Variants in LRP1B observed in about 807,000 individuals in gnomAD.
LRP1B encodes the protein LDL receptor related protein 1B.
LRP1B carries 217 observed loss-of-function variants against 556.6 expected under a neutral mutation model. The observed-to-expected ratio is 0.39, with a 90% confidence interval of 0.35 to 0.44. LRP1B has a LOEUF of 0.44. Ranked by LOEUF, LRP1B falls within the 20% of genes least tolerant of loss-of-function variation. The pLI, the probability that LRP1B is intolerant of heterozygous loss-of-function variation, is 1.00. For synonymous variants in LRP1B, 2,047 were observed against 1,865.8 expected, an observed-to-expected ratio of 1.10 and a Z score of -2.50; for missense variants, 5,053 against 5,620.8, an observed-to-expected ratio of 0.90 and a Z score of 3.23.
chr2:141,400,956 C>T (rs1275772468), intron 3 of LRP1B, among the ~76,000 whole-genome samples: 1 of 152,150 alleles, frequency 6.6e-6, no homozygotes, highest in Non-Finnish European at 1.5e-5. Flanking sequence ...TTTTAATACT[C>T]TCCTTTTCCA....
intron 35 of LRP1B, among the ~76,000 whole-genome samples, chr2:140,747,272 T>C (rs760699452): frequency 6.6e-6 from 1 of 152,190 alleles, no homozygotes; most frequent in Non-Finnish European, 1.5e-5. Context: ...GAAGGCTCTT[T>C]CACTCACCTA....
chr2:141,424,903 G>A (rs56143010), intron 3 of LRP1B, among the ~76,000 whole-genome samples: 69,395 of 151,662 alleles, frequency 0.46, 15,983 homozygotes, highest in East Asian at 0.6. Flanking sequence ...GCAAAATTGT[G>A]CTGCTGATTT....
chr2:141,665,718 CATAT>C (rs1414620648), intron 2 of LRP1B, among the ~76,000 whole-genome samples: 1 of 152,104 alleles, frequency 6.6e-6, no homozygotes, highest in Non-Finnish European at 1.5e-5. Context: ...AAATGTGGTA[CATAT>C]ATACCATGGA....
chr2:141,938,515 T>C (rs1700702276), intron 1 of LRP1B, among the ~76,000 whole-genome samples: 1 of 152,144 alleles, frequency 6.6e-6, no homozygotes, highest in Non-Finnish European at 1.5e-5. Context: ...ACAGCCTTTA[T>C]GGAGAACAGT....
chr2:142,096,882 C>T (rs549601345), intron 1 of LRP1B, among the ~76,000 whole-genome samples: 3 of 151,584 alleles, frequency 2.0e-5, no homozygotes, highest in African/African-American at 7.2e-5. Context: ...CCCTTTCTCC[C>T]CTCTAGAAGT....
chr2:141,332,468 A>G (rs980378811), intron 3 of LRP1B, among the ~76,000 whole-genome samples: 5 of 151,664 alleles, frequency 3.3e-5, no homozygotes, highest in African/African-American at 9.7e-5. Flanking sequence ...AAAAGCATGA[A>G]TTTTATATGC....
chr2:141,225,103 G>A (rs1683192027), intron 6 of LRP1B, among the ~76,000 whole-genome samples: 1 of 151,950 alleles, frequency 6.6e-6, no homozygotes, highest in Admixed American at 6.6e-5. Flanking sequence ...ACAAGCTAAG[G>A]AAAAAGATAA....
At chr2:140,455,111 C>A (rs6730266) in intron 62 of LRP1B, among the ~76,000 whole-genome samples, 1 of 152,020 alleles carries the variant, frequency 6.6e-6, no homozygotes, top group African/African-American at 2.4e-5. Flanking sequence ...TATTAAAAAA[C>A]GTGATTTCTC....
chr2:141,909,524 ACATTTTT>A (rs1306958279), intron 1 of LRP1B, among the ~76,000 whole-genome samples: 5 of 104,486 alleles, frequency 4.8e-5, no homozygotes, highest in Non-Finnish European at 5.8e-5. Flanking sequence ...AAGGTCTCAG[ACATTTTT>A]TTTTTTTTTT....
chr2:141,027,079 A>C (rs76547451), intron 11 of LRP1B, among the ~76,000 whole-genome samples: 4,361 of 152,170 alleles, frequency 0.029, 143 homozygotes, highest in East Asian at 0.13. Context: ...AGAAAGTTTA[A>C]CCTAGGCAAA....
At chr2:141,755,011 A>T (rs1321861411) in intron 2 of LRP1B, among the ~76,000 whole-genome samples, 1 of 150,496 alleles carries the variant, frequency 6.6e-6, no homozygotes, top group East Asian at 1.9e-4. Flanking sequence ...TATATATATA[A>T]AAGGAAAAAC....
At chr2:142,014,363 T>A (rs2105161701) in intron 1 of LRP1B, among the ~76,000 whole-genome samples, 3 of 152,302 alleles carry the variant, frequency 2.0e-5, no homozygotes, top group Admixed American at 2.0e-4. Context: ...GAATTCTAAT[T>A]AACATCCATT....
At chr2:141,440,659 C>G (rs1680930361) in intron 3 of LRP1B, among the ~76,000 whole-genome samples, 1 of 152,240 alleles carries the variant, frequency 6.6e-6, no homozygotes, top group Non-Finnish European at 1.5e-5. Flanking sequence ...TGTTTCTATA[C>G]TTTTAACAGT....
intron 3 of LRP1B, among the ~76,000 whole-genome samples, chr2:141,310,469 G>GATAT (rs1465089129): frequency 6.6e-6 from 1 of 152,146 alleles, no homozygotes; most frequent in Non-Finnish European, 1.5e-5. Flanking sequence ...AGCACAGAGT[G>GATAT]ATATATACCT....
intron 7 of LRP1B, among the ~76,000 whole-genome samples, chr2:141,128,725 G>A (rs1288744447): frequency 3.9e-5 from 6 of 152,210 alleles, no homozygotes; most frequent in African/African-American, 1.4e-4. Context: ...GGTTCAAGCA[G>A]TTCTCCTACC....
At chr2:140,905,002 C>T (rs1434674061) in intron 22 of LRP1B, among the ~76,000 whole-genome samples, 5 of 152,006 alleles carry the variant, frequency 3.3e-5, no homozygotes, top group Non-Finnish European at 5.9e-5. Context: ...TATATAATGC[C>T]AATATTTGCA....
At chr2:141,891,118 ACT>A (rs1469961479) in intron 1 of LRP1B, among the ~76,000 whole-genome samples, 9 of 151,958 alleles carry the variant, frequency 5.9e-5, no homozygotes, top group Non-Finnish European at 1.2e-4. Context: ...ATTCAGAGAA[ACT>A]CTCCCTCTTG....
intron 5 of LRP1B, among the ~76,000 whole-genome samples, chr2:141,240,982 T>G (rs1683847850): frequency 6.6e-6 from 1 of 152,042 alleles, no homozygotes; most frequent in African/African-American, 2.4e-5. Context: ...AGATTAAAAA[T>G]GTCAAAAACG....
intron 7 of LRP1B, among the ~76,000 whole-genome samples, chr2:141,067,354 GTC>G (rs1167353437): frequency 3.9e-5 from 6 of 151,964 alleles, no homozygotes; most frequent in Non-Finnish European, 7.4e-5. Context: ...TATTTTGTCT[GTC>G]TGGCCAAGAC....
Sources: gnomAD v4.1 joint callset for allele counts (sites outside exome capture counted in the v4.1 genomes callset) on GRCh38, gnomAD v4.1.1 for gene constraint, MANE v1.5 for transcripts, NCBI Gene and HGNC (gene_info 2026-07-23, HGNC 2026-07-21) for gene names.